Variants in CNIH3 observed in about 807,000 individuals in gnomAD.
The protein encoded by CNIH3 is protein cornichon homolog 3.
Under a neutral mutation model 24.1 loss-of-function variants are expected in CNIH3, and 14 were observed. The ratio of observed to expected loss-of-function variants is 0.58; its 90% CI spans 0.38 to 0.91. CNIH3 has a LOEUF of 0.91. Among genes scored for constraint, CNIH3 ranks in the 40% least tolerant of loss-of-function variants. The pLI is 0.00. For missense variants in CNIH3, 178 were observed against 196.8 expected, an observed-to-expected ratio of 0.90 and a Z score of 0.57; for synonymous variants, 68 against 73.8, an observed-to-expected ratio of 0.92 and a Z score of 0.40.
chr1:224,717,640 T>A (rs1688495254), intron 3 of CNIH3: 1 of 152,234 alleles, frequency 6.6e-6, no homozygotes, highest in Admixed American at 6.5e-5. Context: ...TCTCTCCCGA[T>A]CTATTGTAAG....
chr1:224,551,994 G>C (rs892367033), intron 3 of CNIH3, among the ~76,000 whole-genome samples: 1 of 151,146 alleles, frequency 6.6e-6, no homozygotes, highest in Non-Finnish European at 1.5e-5. Context: ...ATATCACACG[G>C]GTTGTACTCC....
intron 4 of CNIH3, among the ~76,000 whole-genome samples, chr1:224,733,336 C>T (rs1465805014): frequency 1.3e-5 from 2 of 152,222 alleles, no homozygotes; most frequent in Admixed American, 1.3e-4. Context: ...CATGGCCACC[C>T]TGCCCTTCTG....
rs776457923 is a variant in CNIH3 at position 224,604,748 on chromosome 1, G to A, written n.402+38484G>A. 7.9e-5 allele frequency among the ~76,000 whole-genome samples: 12 copies of A among 152,312 alleles called. No individual in the cohort carries two copies. Among genetic ancestry groups the A allele is most frequent in the South Asian group, 4.1e-4 (2 of 4,832 alleles). ...CTTGCCGGTGACACCTGGCCCAGGC[G>A]TCACTTGGCCATGCTGACATGCCCC... On this transcript the variant is annotated intron_variant and non_coding_transcript_variant, in intron 3 of 7. Transcript: ENST00000478120. The surrounding 1 kb of genome is among the most constrained non-coding windows in gnomAD (Gnocchi z 4.4).
intron 2 of CNIH3, 128 bp downstream of exon 2, chr1:224,681,154 C>T (rs1686381627): frequency 1.3e-6 from 1 of 791,074 alleles, no homozygotes; most frequent in South Asian, 1.6e-5. Context: ...TGCCTCTCTA[C>T]CTGGCTCAAG....
At chr1:224,686,161 C>G (rs1435515625) in intron 3 of CNIH3, among the ~76,000 whole-genome samples, 1 of 125,876 alleles carries the variant, frequency 7.9e-6, no homozygotes, top group Non-Finnish European at 1.6e-5. Context: ...CCCCCCTCCC[C>G]CCACCCCACG....
At chr1:224,442,761 G>C (rs547635123) in intron 1 of CNIH3, among the ~76,000 whole-genome samples, 3 of 152,184 alleles carry the variant, frequency 2.0e-5, no homozygotes, top group Non-Finnish European at 4.4e-5. Context: ...TAGCTGGTGC[G>C]TGGCTCCAGA....
At chr1:224,617,888 C>G (rs761812758) in intron 1 of CNIH3, among the ~76,000 whole-genome samples, 1 of 152,124 alleles carries the variant, frequency 6.6e-6, no homozygotes, top group African/African-American at 2.4e-5. Context: ...CGAAGAGAGA[C>G]CGTGGAGAGC....
In CNIH3 at chr1:224,445,574, T is replaced by TAAAAA. The variant is rs369951294; in HGVS notation, n.203+10730_203+10734dup. Among the ~76,000 whole-genome samples, 55 of 90,290 alleles carry TAAAAA rather than the reference T, an allele frequency of 6.1e-4. 1 individual carries two copies. In the South Asian group the frequency reaches 1.0e-2, roughly 16 times the overall value. 59.2% of individuals were successfully genotyped at this position (90,290 alleles called of 152,430 possible). A position where few individuals can be genotyped will look rare whatever the true frequency, so the allele number is the denominator to read the frequency against. On this transcript the variant is annotated intron_variant and non_coding_transcript_variant, in intron 1 of 5. Transcript: ENST00000471578. ...TTGGGTGACAGAGTGGGACTCTGCT[T>TAAAAA]AAAAAAAAAAAAAAAAAAAAAAGAA...
In CNIH3 at chr1:224,704,213, A is replaced by C. The variant is rs905201527; in HGVS notation, c.198+19370A>C. Among the ~76,000 whole-genome samples the C allele has an allele frequency of 2.0e-5, 3 of 152,142 alleles. No homozygotes were observed. Among genetic ancestry groups the C allele is most frequent in the African/African-American group, 7.2e-5 (3 of 41,428 alleles). On this transcript the variant is annotated intron_variant, in intron 3 of 5. Transcript: ENST00000272133. This position sits in a 1 kb window ranked among gnomAD's most constrained non-coding sequence, Gnocchi z 4.2. ...GGACCTCCATGAGTCTCAGGTCATC[A>C]AAGAGGAGTGGAGACACAGCCCCTT...
chr1:224,496,164 C>T (rs986577002), intron 1 of CNIH3, among the ~76,000 whole-genome samples: 1 of 152,214 alleles, frequency 6.6e-6, no homozygotes, highest in Non-Finnish European at 1.5e-5. Flanking sequence ...TCTCAATACC[C>T]TAGAACTTCT....
At chr1:224,547,956 T>C (rs1679767489) in intron 3 of CNIH3, among the ~76,000 whole-genome samples, 1 of 151,944 alleles carries the variant, frequency 6.6e-6, no homozygotes, top group Non-Finnish European at 1.5e-5. Flanking sequence ...ACACCCTTTA[T>C]GTACACCTGG....
At chr1:224,693,479 G>T (rs913235254) in intron 3 of CNIH3, among the ~76,000 whole-genome samples, 3 of 152,194 alleles carry the variant, frequency 2.0e-5, no homozygotes, top group Non-Finnish European at 2.9e-5. Context: ...TTGGGCAGGG[G>T]GGATGTTCTT....
chr1:224,462,897 C>CTTTTTTTTTTTTTTTTTTTTTTTTTTTT (rs71572901), intron 1 of CNIH3, among the ~76,000 whole-genome samples: 1 of 73,400 alleles, frequency 1.4e-5, no homozygotes. Flanking sequence ...ATATGTTTAA[C>CTTTTTTTTTTTTTTTTTTTTTTTTTTTT]TTTTTTTTTT....
intron 1 of CNIH3, among the ~76,000 whole-genome samples, chr1:224,642,450 G>C (rs569223994): frequency 8.5e-5 from 13 of 152,112 alleles, no homozygotes; most frequent in African/African-American, 2.7e-4. Context: ...GGCTGTTCTC[G>C]AACTCCTGGC....
chr1:224,635,622 G>A (rs1558237318), intron 1 of CNIH3, among the ~76,000 whole-genome samples: 2 of 152,244 alleles, frequency 1.3e-5, no homozygotes, highest in Non-Finnish European at 2.9e-5. Flanking sequence ...TTGGACATGA[G>A]CAGTCAGCCC....
intron 1 of CNIH3, among the ~76,000 whole-genome samples, chr1:224,489,150 A>G (rs1238452354): frequency 1.3e-5 from 2 of 151,366 alleles, no homozygotes; most frequent in South Asian, 4.1e-4. Context: ...CTTTTTTTTA[A>G]TGGTAGGCAG....
chr1:224,693,812 T>C (rs897037962), intron 3 of CNIH3, among the ~76,000 whole-genome samples: 1 of 152,240 alleles, frequency 6.6e-6, no homozygotes, highest in Non-Finnish European at 1.5e-5. Context: ...TCGTCATTAG[T>C]GGAACTGGTG....
chr1:224,491,614 TA>T (rs1378437153), intron 1 of CNIH3, among the ~76,000 whole-genome samples: 1 of 152,146 alleles, frequency 6.6e-6, no homozygotes, highest in African/African-American at 2.4e-5. Context: ...TTTATTTATT[TA>T]TTTTTTTTGA....
chr1:224,492,677 G>C (rs1677280178), intron 1 of CNIH3, among the ~76,000 whole-genome samples: 1 of 152,004 alleles, frequency 6.6e-6, no homozygotes, highest in South Asian at 2.1e-4. Context: ...CTGATCTTGG[G>C]GTAGACAGTC....
Sources: gnomAD v4.1 joint callset for allele counts (sites outside exome capture counted in the v4.1 genomes callset) on GRCh38, gnomAD v4.1.1 for gene constraint, Gnocchi (gnomAD v3.1) non-coding constraint, MANE v1.5 for transcripts, NCBI Gene and HGNC (gene_info 2026-07-23, HGNC 2026-07-21) for gene names.